The following ST6GALNAC4 variants were observed in gnomAD, a reference collection of about 807,000 sequenced individuals.
ST6GALNAC4 encodes alpha-N-acetyl-neuraminyl-2,3-beta-galactosyl-1,3-N-acetyl-galactosaminide alpha-2,6-sialyltransferase.
Under a neutral mutation model 30.4 loss-of-function variants are expected in ST6GALNAC4, and 24 were observed. The ratio of observed to expected loss-of-function variants is 0.79; its 90% CI spans 0.57 to 1.11. The LOEUF (loss-of-function observed/expected upper bound fraction) is 1.11, where lower values mean the gene tolerates loss of function less well. Among genes scored for constraint, ST6GALNAC4 ranks in the 50% most tolerant of loss-of-function variants. ST6GALNAC4 has a pLI of 0.00. For missense variants in ST6GALNAC4, 365 were observed against 430.1 expected (o/e 0.85, Z 1.34); for synonymous variants, 156 against 179.7 (o/e 0.87, Z 1.05).
intron 2 of ST6GALNAC4, among the ~76,000 whole-genome samples, chr9:127,915,517 G>C (rs986655697): frequency 7.2e-5 from 11 of 152,256 alleles, no homozygotes; most frequent in Non-Finnish European, 1.5e-4. Context: ...TTTAATAATT[G>C]AAAAGCTGGT....
chr9:127,910,123 A>G, intron 4 of ST6GALNAC4, 65 bp from the exon 5 acceptor site: 1 of 1,581,646 alleles, frequency 6.3e-7, no homozygotes, highest in Non-Finnish European at 8.6e-7. Context: ...TCCAGGCCCC[A>G]GCAGCACTTG....
chr9:127,909,578 C>G (rs1831027569), intron 5 of ST6GALNAC4, among the ~76,000 whole-genome samples: 1 of 147,950 alleles, frequency 6.8e-6, no homozygotes, highest in Non-Finnish European at 1.5e-5. Flanking sequence ...TATTTAGGCC[C>G]TATATATATA....
At chr9:127,916,233 C>T in intron 2 of ST6GALNAC4, 175 bp downstream of exon 2, 1 of 793,884 alleles carries the variant, frequency 1.3e-6, no homozygotes, top group Non-Finnish European at 2.1e-6. Flanking sequence ...ATGCCACCTG[C>T]CTGGGGCCAC....
At position 127,914,490 on chromosome 9, in the gene ST6GALNAC4, CAAAAAAAAAAAA is replaced by C. The variant is rs60857050; in HGVS notation, c.198+154_198+165del. On this transcript the variant is annotated intron_variant, in intron 3 of 5. Transcript: ENST00000335791. ...TGGGAGAAACAGAAAGACTCCGTCT[CAAAAAAAAAAAA>C]AAAAAAAAAAAAAAAAAGAACCTAG... 4.8e-3 allele frequency among the ~76,000 whole-genome samples: 243 copies of C among 50,144 alleles called. 1 individual carries two copies. Among genetic ancestry groups the C allele is most frequent in the South Asian group, 0.024 (19 of 778 alleles). The allele number at this position is 50,144 out of a possible 152,430, so 32.9% of individuals were successfully genotyped here. A position where few individuals can be genotyped will look rare whatever the true frequency, so the allele number is the denominator to read the frequency against.
intron 3 of ST6GALNAC4, among the ~76,000 whole-genome samples, chr9:127,913,053 G>A (rs1831115604): frequency 1.3e-5 from 2 of 152,238 alleles, no homozygotes; most frequent in Admixed American, 6.5e-5. Flanking sequence ...TATTTGTCAA[G>A]TAAACATGAA....
chr9:127,907,928 C>T lies in ST6GALNAC4; in HGVS notation c.*464G>A, dbSNP rs150683162. ...TACCCGTACGTTCCTGATACGGCCC[C>T]GGCAGTCACAACTCCAAGGCCCCTT... is the stretch of plus-strand genomic sequence containing the variant. On this transcript the variant is annotated 3_prime_UTR_variant, in exon 6 of 6. Coordinates refer to ENST00000335791, the MANE Select transcript of ST6GALNAC4 (RefSeq NM_175039.4). The T allele has an allele frequency of 9.4e-3, 1,433 of 152,940 alleles. 26 individuals carry two copies. Among genetic ancestry groups the T allele is most frequent in the African/African-American group, 0.032 (1,342 of 41,590 alleles). 9.5% of individuals were successfully genotyped at this position (152,940 alleles called of 1,614,324 possible). A position where few individuals can be genotyped will look rare whatever the true frequency, so the allele number is the denominator to read the frequency against.
Position 127,913,916 on chromosome 9 carries a change from G to A in ST6GALNAC4, c.198+740C>T, listed in dbSNP as rs144909841. ...CTGCAGGTGTACACCTTCACCGAGC[G>A]CATGATGGCCTACTGTGACCAGATC... On this transcript the variant is annotated intron_variant, in intron 3 of 5. Transcript: ENST00000335791. Among the ~76,000 whole-genome samples the A allele has an allele frequency of 4.3e-3, 653 of 152,290 alleles. 2 individuals are homozygous for A. Among genetic ancestry groups the A allele is most frequent in the Admixed American group, 0.011 (174 of 15,304 alleles).
intron 5 of ST6GALNAC4, 128 bp from the exon 6 acceptor site, chr9:127,908,709 A>G: frequency 1.3e-6 from 1 of 764,892 alleles, no homozygotes; most frequent in Non-Finnish European, 1.9e-6. Context: ...ATCCCTGGGG[A>G]GGCCAAGACA....
At position 127,908,289 on chromosome 9, in the gene ST6GALNAC4, G is replaced by A; in HGVS notation, c.*103C>T. On this transcript the variant is annotated 3_prime_UTR_variant, in exon 6 of 6. Transcript: ENST00000335791. ...CTTAGGTCCACCCAGCACGTGGCAG[G>A]AGGCAGGATCCATAAATTAAATGTT... 1.7e-6 allele frequency: 2 copies of A among 1,201,904 alleles called. No homozygotes were observed. The highest frequency in any genetic ancestry group is 1.9e-5 in the South Asian group (1 of 52,054). The allele number at this position is 1,201,904 out of a possible 1,614,324, so 74.5% of individuals were successfully genotyped here.
intron 4 of ST6GALNAC4, 115 bp from the exon 5 acceptor site, chr9:127,910,173 C>T (rs370519183): frequency 2.1e-4 from 267 of 1,290,980 alleles, no homozygotes; most frequent in African/African-American, 1.5e-3. Flanking sequence ...CAACCTCTTG[C>T]GGGGGGCTCT....
Position 127,912,564 on chromosome 9 carries a change from C to G in ST6GALNAC4, c.315G>C (p.Gln105His), listed in dbSNP as rs759732940. 1.2e-6 allele frequency: 2 copies of G among 1,612,942 alleles called. No individual in the cohort carries two copies. The highest frequency in any genetic ancestry group is 1.7e-6 in the Non-Finnish European group (2 of 1,179,896). ...CCGCCTCAAAGCCCACGGTGGGCGC[C>G]TGGTTCATGCGGAACACGCACTCGG... ...DSAECVFRMN[Q>H]APTVGFEADV... Residue 105 changes from glutamine to histidine, a missense_variant, in exon 4 of 6, where the codon CAG (glutamine) becomes CAC (histidine). Gln to His is a conservative substitution (Grantham distance 24). Coordinates refer to ENST00000335791, the MANE Select transcript of ST6GALNAC4 (RefSeq NM_175039.4).
chr9:127,914,617 C>T (rs1429751250), intron 3 of ST6GALNAC4, 39 bp downstream of exon 3: 3 of 1,539,816 alleles, frequency 1.9e-6, no homozygotes, highest in Admixed American at 3.8e-5. Context: ...AAGCCCAGCT[C>T]TCACTACCCA....
chr9:127,914,034 C>A (rs1391403081), intron 3 of ST6GALNAC4, among the ~76,000 whole-genome samples: 1 of 152,040 alleles, frequency 6.6e-6, no homozygotes, highest in African/African-American at 2.4e-5. Flanking sequence ...GAGCTGAGAT[C>A]GCACTACTGC....
chr9:127,915,603 T>C (rs930828289), intron 2 of ST6GALNAC4, among the ~76,000 whole-genome samples: 14 of 152,384 alleles, frequency 9.2e-5, no homozygotes, highest in Non-Finnish European at 1.8e-4. Flanking sequence ...CCATCTGGCC[T>C]AGACCCAGCC....
intron 4 of ST6GALNAC4, among the ~76,000 whole-genome samples, chr9:127,911,009 A>G (rs944074261): frequency 2.6e-5 from 4 of 152,200 alleles, no homozygotes; most frequent in Non-Finnish European, 5.9e-5. Context: ...GAGTAACAAG[A>G]GGAGCCTGTC....
chr9:127,909,179 G>A (rs1291485554), intron 5 of ST6GALNAC4, among the ~76,000 whole-genome samples: 1 of 152,148 alleles, frequency 6.6e-6, no homozygotes, highest in Non-Finnish European at 1.5e-5. Flanking sequence ...CCTGAGGTCA[G>A]GAGTTCCAGA....
Position 127,914,784 on chromosome 9 carries a change from G to A in ST6GALNAC4, c.70C>T (p.Leu24=). 1 of 1,600,324 alleles carries A rather than the reference G, an allele frequency of 6.2e-7. No individual in the cohort carries two copies. The highest frequency in any genetic ancestry group is 8.5e-7 in the Non-Finnish European group (1 of 1,173,024). The change falls in exon 3 of 6, where the codon CTG becomes TTG. Residue 24 remains leucine, a synonymous_variant. Coordinates refer to ENST00000335791, the MANE Select transcript of ST6GALNAC4 (RefSeq NM_175039.4). ...AGGGGCAGGCCGGCCCAGCAGCACA[G>A]GAGGATGTAGACGGCAGAGAAGACC... ...SVVFSAVYIL[L]CCWAGLPLCL... is the part of the protein sequence containing the mutation.
Position 127,914,672 on chromosome 9 carries a change from C to G in ST6GALNAC4, c.182G>C (p.Ser61Thr). Residue 61 changes from serine to threonine, a missense_variant, in exon 3 of 6, where the codon AGT (serine) becomes ACT (threonine). Coordinates refer to ENST00000335791, the MANE Select transcript of ST6GALNAC4 (RefSeq NM_175039.4). The stretch of plus-strand genomic sequence containing the variant: ...CCCACTCACCTTCCCATCTGGCACA[C>G]TGCTATATCCACTGAAGTGCAGGGG... The part of the protein sequence containing the change: ...PGPLHFSGYS[S>T]VPDGKPLVRE... The G allele has an allele frequency of 6.2e-7, 1 of 1,612,128 alleles. No homozygotes were observed. Among genetic ancestry groups the G allele is most frequent in the Non-Finnish European group, 8.5e-7 (1 of 1,179,154 alleles).
intron 5 of ST6GALNAC4, 82 bp downstream of exon 5, chr9:127,909,869 G>T: frequency 1.5e-6 from 2 of 1,365,934 alleles, no homozygotes; most frequent in Non-Finnish European, 2.0e-6. Flanking sequence ...TGCCCCCACA[G>T]CTCCCAAATC....
Sources: allele counts gnomAD v4.1 joint callset (sites outside exome capture counted in the v4.1 genomes callset), GRCh38; gene constraint gnomAD v4.1.1; transcripts MANE v1.5; gene names NCBI Gene and HGNC (gene_info 2026-07-23, HGNC 2026-07-21).